The following CD151 variants were observed in gnomAD, a reference collection of about 807,000 sequenced individuals.
The protein encoded by CD151 is CD151 antigen.
In CD151, 20 loss-of-function variants were observed where a neutral mutation model predicts 34.2. That is an observed-to-expected ratio of 0.58 (90% CI 0.41 to 0.85). CD151 has a LOEUF of 0.85. CD151 is among the 40% of genes least tolerant of loss of function. CD151 has a pLI of 0.00. For missense variants in CD151, 306 were observed against 324.5 expected, an observed-to-expected ratio of 0.94 and a Z score of 0.44; for synonymous variants, 157 against 131.7, an observed-to-expected ratio of 1.19 and a Z score of -1.32.
chr11:836,224 G>T lies in CD151; in HGVS notation c.85-27G>T, dbSNP rs748378441. On this transcript the variant is annotated intron_variant, in intron 3 of 8. Coordinates refer to ENST00000397420, the MANE Select transcript of CD151 (RefSeq NM_004357.5). ...GGGCCACCATCAGACCTGGGCAGAT[G>T]CGATGACCTTTGTGTACTGCTTGTA... The T allele has an allele frequency of 1.8e-5, 29 of 1,602,900 alleles. No homozygotes were observed. In the East Asian group the frequency reaches 5.4e-4, roughly 30 times the overall value.
chr11:837,683 G>A (rs1846829047), intron 7 of CD151, 65 bp downstream of exon 7: 3 of 1,532,950 alleles, frequency 2.0e-6, no homozygotes, highest in Non-Finnish European at 8.9e-7. Flanking sequence ...CCCAGTGACT[G>A]GCTGTGGGCA....
rs777986942 is a variant in CD151, at chr11:838,229, C to T, written c.*37C>T. The stretch of plus-strand genomic sequence containing the variant: ...GCCTTGCTGCTGCTGCACCCAACTA[C>T]TGAGCTGAGACCACTGAGTACCAGG... On this transcript the variant is annotated 3_prime_UTR_variant, in exon 9 of 9. Transcript: ENST00000397420. 24 of 1,571,348 alleles carry T rather than the reference C, an allele frequency of 1.5e-5. No homozygotes were observed. The highest frequency in any genetic ancestry group is 1.8e-5 in the Non-Finnish European group (20 of 1,142,320).
chr11:836,124 C>T lies in CD151; in HGVS notation c.55C>T (p.Leu19=), dbSNP rs778641629. Residue 19 remains leucine, a synonymous_variant, in exon 3 of 9, where the codon CTG becomes TTG. Coordinates refer to ENST00000397420, the MANE Select transcript of CD151 (RefSeq NM_004357.5). Reference sequence around the variant, plus strand: ...ATGTGGCACCGTTTGCCTCAAGTACCTGCTGTTTACCTACAATTGCTGCTT... The same window carrying T: ...ATGTGGCACCGTTTGCCTCAAGTACTTGCTGTTTACCTACAATTGCTGCTT... The part of the protein sequence containing the change: ...TTCGTVCLKY[L]LFTYNCCFWL... The T allele has an allele frequency of 3.7e-6, 6 of 1,612,906 alleles. No homozygotes were observed. The highest frequency in any genetic ancestry group is 3.3e-5 in the South Asian group (3 of 91,076).
chr11:834,910 C>T (rs1030072664), intron 2 of CD151: 1 of 152,524 alleles, frequency 6.6e-6, no homozygotes, highest in Non-Finnish European at 1.5e-5. Flanking sequence ...AAGGGCTGCC[C>T]TTTAACAGAC....
In CD151 at chr11:836,433, G is replaced by C; in HGVS notation, c.267G>C (p.Leu89=). The C allele has an allele frequency of 6.2e-7, 1 of 1,607,518 alleles. No individual in the cohort carries two copies. ...CCATFKERRN[L]LRLYFILLLI... ...CCACCTTCAAGGAGCGTCGGAACCT[G>C]CTGCGCCTGGTCAGGAGGGCGCAGG... The change falls in exon 4 of 9, where the codon CTG becomes CTC. Residue 89 remains leucine (L), a synonymous_variant. Coordinates refer to ENST00000397420, the MANE Select transcript of CD151 (RefSeq NM_004357.5).
At chr11:835,422 T>G (rs1036650516) in intron 2 of CD151, 1 of 152,012 alleles carries the variant, frequency 6.6e-6, no homozygotes, top group African/African-American at 2.4e-5. Flanking sequence ...CACTGCAAGC[T>G]CCGCCTCCCG....
At chr11:835,141 T>C (rs1487498476) in intron 2 of CD151, 1 of 152,070 alleles carries the variant, frequency 6.6e-6, no homozygotes, top group East Asian at 1.9e-4. Context: ...CTAGCAGGGG[T>C]GAGTCAGCAG....
intron 1 of CD151, among the ~76,000 whole-genome samples, chr11:833,227 C>T (rs1038477076): frequency 6.6e-5 from 8 of 121,488 alleles, no homozygotes; most frequent in African/African-American, 2.0e-4. Context: ...AGCTCCCTCG[C>T]CTGCCCTTCC....
At chr11:833,067 CGGGGCGAGGGGGGCGAGGGGCGCGAGG>C (rs1048951833) in intron 1 of CD151, 41 bp downstream of exon 1, 1 of 21,838 alleles carries the variant, frequency 4.6e-5, no homozygotes, top group Non-Finnish European at 1.4e-4. Flanking sequence ...GCGGGGCGAG[CGGGGCGAGGGGGGCGAGGGGCGCGAGG>C]GGGGCGAGGG....
At position 838,275 on chromosome 11, in the gene CD151, C is replaced by T; in HGVS notation, c.*83C>T. 2 of 1,163,380 alleles carry T rather than the reference C, an allele frequency of 1.7e-6. No homozygotes were observed. The highest frequency in any genetic ancestry group is 2.6e-6 in the Non-Finnish European group (2 of 775,164). The allele number at this position is 1,163,380 out of a possible 1,614,324, so 72.1% of individuals were successfully genotyped here. A position where few individuals can be genotyped will look rare whatever the true frequency, so the allele number is the denominator to read the frequency against. On this transcript the variant is annotated 3_prime_UTR_variant, in exon 9 of 9. Coordinates refer to ENST00000397420, the MANE Select transcript of CD151 (RefSeq NM_004357.5). ...CCAGGGGCTGGGCTCCCTGATGACA[C>T]CCACCCTGTGCCATCACCATAACCT...
Position 838,143 on chromosome 11 carries a change from T to C in CD151, c.713T>C (p.Met238Thr), listed in dbSNP as rs1846852122. ...CGGCTCTGCACACAGGTCTTTGGCATGATCTTCACGTGCTGCCTGTACAGG... is the reference window on the plus strand; with the variant it reads ...CGGCTCTGCACACAGGTCTTTGGCACGATCTTCACGTGCTGCCTGTACAGG... ...IGIACVQVFGMIFTCCLYRSL... is the reference protein window; with the variant it reads ...IGIACVQVFGTIFTCCLYRSL... Residue 238 changes from methionine to threonine, a missense_variant, in exon 9 of 9, where the codon ATG becomes ACG. By Grantham distance (81) the Met-to-Thr change is moderately conservative. Transcript: ENST00000397420. 1 of 1,613,066 alleles carries C rather than the reference T, an allele frequency of 6.2e-7. No homozygotes were observed. The highest frequency in any genetic ancestry group is 8.5e-7 in the Non-Finnish European group (1 of 1,179,806).
intron 2 of CD151, 141 bp from the exon 3 acceptor site, chr11:835,922 T>C: frequency 3.1e-6 from 2 of 647,158 alleles, no homozygotes; most frequent in East Asian, 2.8e-5. Context: ...CTCCTGACCT[T>C]GTGATCTGCC....
At position 836,755 on chromosome 11, in the gene CD151, G is replaced by A; in HGVS notation, c.277-14G>A. On this transcript the variant is annotated splice_polypyrimidine_tract_variant and intron_variant, in intron 4 of 8. Coordinates refer to ENST00000397420, the MANE Select transcript of CD151 (RefSeq NM_004357.5). ...GGCCTCAGAACAAGGGTGCCCTTGT[G>A]CTGCCCCCCCCAGTACTTCATCCTG... is the stretch of plus-strand genomic sequence containing the variant. 6.2e-7 allele frequency: 1 copy of A among 1,612,110 alleles called. No individual in the cohort carries two copies. The highest frequency in any genetic ancestry group is 1.3e-5 in the African/African-American group (1 of 74,980).
In CD151 at chr11:837,373, G is replaced by A. The variant is rs201527572; in HGVS notation, c.456+19G>A. 1.2e-6 allele frequency: 2 copies of A among 1,611,070 alleles called. No homozygotes were observed. Among genetic ancestry groups the A allele is most frequent in the Non-Finnish European group, 1.7e-6 (2 of 1,178,522 alleles). On this transcript the variant is annotated intron_variant, in intron 6 of 8. Transcript: ENST00000397420. ...GCAGGAGGTGGGTGGGTGGTGCTGGGAGGGCGCGTGCATCCCCAGGGCCTC... is the reference window on the plus strand; with the variant it reads ...GCAGGAGGTGGGTGGGTGGTGCTGGAAGGGCGCGTGCATCCCCAGGGCCTC...
At chr11:836,677 C>T in intron 4 of CD151, 92 bp from the exon 5 acceptor site, 1 of 1,284,462 alleles carries the variant, frequency 7.8e-7, no homozygotes, top group Non-Finnish European at 1.1e-6. Context: ...CACCTGGAGC[C>T]TGGGGAGCCG....
chr11:836,231 C>G lies in CD151; in HGVS notation c.85-20C>G. 1 of 1,569,416 alleles carries G rather than the reference C, an allele frequency of 6.4e-7. No individual in the cohort carries two copies. The highest frequency in any genetic ancestry group is 8.7e-7 in the Non-Finnish European group (1 of 1,153,140). On this transcript the variant is annotated intron_variant, in intron 3 of 8. Transcript: ENST00000397420. ...CATCAGACCTGGGCAGATGCGATGA[C>G]CTTTGTGTACTGCTTGTAGCTGGCT... is the stretch of plus-strand genomic sequence containing the variant.
intron 2 of CD151, 101 bp from the exon 3 acceptor site, chr11:835,962 C>G (rs1337867058): frequency 1.4e-6 from 1 of 719,286 alleles, no homozygotes; most frequent in Non-Finnish European, 2.5e-6. Flanking sequence ...GCTGGGATTA[C>G]AGGCGTGAGC....
chr11:836,190 A>T (rs752418503), intron 3 of CD151, 37 bp downstream of exon 3: 2 of 837,874 alleles, frequency 2.4e-6, no homozygotes. Context: ...CCCCACCCCC[A>T]CCCCTCCCGG....
At chr11:836,543 G>A (rs918074521) in intron 4 of CD151, 101 bp downstream of exon 4, 17 of 942,116 alleles carry the variant, frequency 1.8e-5, no homozygotes, top group East Asian at 2.6e-5. Flanking sequence ...CTCACCTGGG[G>A]GGGGGGTCAC....
Sources: allele counts gnomAD v4.1 joint callset (sites outside exome capture counted in the v4.1 genomes callset), GRCh38; gene constraint gnomAD v4.1.1; transcripts MANE v1.5; gene names NCBI Gene and HGNC (gene_info 2026-07-23, HGNC 2026-07-21).